The following PIK3C3 variants were observed in gnomAD, a reference collection of about 807,000 sequenced individuals.
PIK3C3 encodes PI3-kinase type 3.
In PIK3C3, 95 loss-of-function variants were observed where a neutral mutation model predicts 126.1. That is an observed-to-expected ratio of 0.75 (90% CI 0.64 to 0.89). The LOEUF (loss-of-function observed/expected upper bound fraction) is 0.89. Among genes scored for constraint, PIK3C3 ranks in the 40% least tolerant of loss-of-function variants. The pLI is 0.00. For synonymous variants in PIK3C3, 374 were observed against 360.0 expected, an observed-to-expected ratio of 1.04 and a Z score of -0.44; for missense variants, 829 against 1,063.2, an observed-to-expected ratio of 0.78 and a Z score of 3.06.
At chr18:41,960,638 G>A (rs1053226735) in intron 2 of PIK3C3, among the ~76,000 whole-genome samples, 2 of 152,152 alleles carry the variant, frequency 1.3e-5, no homozygotes, top group African/African-American at 2.4e-5. Context: ...GGAGAACGAA[G>A]TGGTGTCCAA....
chr18:41,997,267 G>A (rs1473187653), intron 9 of PIK3C3, among the ~76,000 whole-genome samples: 2 of 152,118 alleles, frequency 1.3e-5, no homozygotes, highest in African/African-American at 2.4e-5. Flanking sequence ...AATTTGAGAT[G>A]TGGGAATTCA....
At position 42,013,491 on chromosome 18, in the gene PIK3C3, A is replaced by G; in HGVS notation, c.1220A>G (p.Asn407Ser). 1 of 1,590,796 alleles carries G rather than the reference A, an allele frequency of 6.3e-7. No homozygotes were observed. The highest frequency in any genetic ancestry group is 8.6e-7 in the Non-Finnish European group (1 of 1,167,100). Residue 407 changes from asparagine to serine, a missense_variant, in exon 11 of 25, where the codon AAT (asparagine) becomes AGT (serine). Physicochemically the swap from Asn to Ser is conservative, Grantham distance 46 (BLOSUM62 1). Around this residue, in one of 4 missense-constraint regions of PIK3C3, gnomAD observed 256 missense variants for 291.0 expected, o/e 0.88. Transcript: ENST00000262039. ...TTGGTCCAGGCTCTCAAATATGAAA[A>G]TTTTGATGATATAAAGAATGGATTG... ...LQLVQALKYE[N>S]FDDIKNGLEP...
chr18:42,035,079 C>A (rs1023245664), intron 16 of PIK3C3, among the ~76,000 whole-genome samples: 1 of 152,120 alleles, frequency 6.6e-6, no homozygotes, highest in Non-Finnish European at 1.5e-5. Flanking sequence ...TTAAAACTCT[C>A]TAACAGATTA....
At chr18:41,957,079 A>C (rs536624259) in intron 1 of PIK3C3, among the ~76,000 whole-genome samples, 4 of 152,258 alleles carry the variant, frequency 2.6e-5, no homozygotes, top group African/African-American at 9.6e-5. Context: ...GTTAAAAGTA[A>C]ATTTTTTTCC....
chr18:42,044,249 C>T (rs1984457543), intron 20 of PIK3C3, among the ~76,000 whole-genome samples: 1 of 152,024 alleles, frequency 6.6e-6, no homozygotes, highest in Admixed American at 6.6e-5. Flanking sequence ...TCCTTATGGT[C>T]CATTCCTAGA....
At chr18:41,974,727 C>T (rs758661849) in intron 4 of PIK3C3, among the ~76,000 whole-genome samples, 2 of 152,132 alleles carry the variant, frequency 1.3e-5, no homozygotes, top group African/African-American at 2.4e-5. Flanking sequence ...GTGGGCCTTA[C>T]TTGAGCAAAT....
In PIK3C3 at chr18:42,064,785, A is replaced by C. The variant is rs1985466526; in HGVS notation, c.2478A>C (p.Ala826=). 6.2e-7 allele frequency: 1 copy of C among 1,607,492 alleles called. No homozygotes were observed. Among genetic ancestry groups the C allele is most frequent in the Non-Finnish European group, 8.5e-7 (1 of 1,174,170 alleles). Residue 826 remains alanine, a synonymous_variant, in exon 23 of 25, where the codon GCA becomes GCC. Coordinates refer to ENST00000262039, the MANE Select transcript of PIK3C3 (RefSeq NM_002647.4). ...ACTTGTTTTCCTTGATGGTTGATGC[A>C]AACATTCCAGATATTGCACTTGAAC... ...ILNLFSLMVD[A]NIPDIALEPD...
intron 4 of PIK3C3, among the ~76,000 whole-genome samples, chr18:41,987,000 T>C (rs747872523): frequency 2.0e-5 from 3 of 152,022 alleles, no homozygotes; most frequent in South Asian, 2.1e-4. Context: ...GCTGTTCTTA[T>C]AGGAAAGCTG....
At chr18:42,050,017 A>T (rs1984732594) in intron 21 of PIK3C3, 1 of 152,722 alleles carries the variant, frequency 6.5e-6, no homozygotes, top group South Asian at 2.1e-4. Flanking sequence ...TTGAAGATAA[A>T]TCAGAGAGTC....
At chr18:41,972,972 C>T (rs1015613353) in intron 4 of PIK3C3, among the ~76,000 whole-genome samples, 11 of 151,932 alleles carry the variant, frequency 7.2e-5, no homozygotes, top group African/African-American at 1.7e-4. Context: ...CACTGTACTG[C>T]GAGTCAGAGT....
chr18:41,959,308 C>T (rs1261689424), intron 2 of PIK3C3, among the ~76,000 whole-genome samples: 1 of 152,164 alleles, frequency 6.6e-6, no homozygotes, highest in Non-Finnish European at 1.5e-5. Context: ...TTCTCCTCCT[C>T]CTCCCATTTG....
chr18:42,018,449 C>T (rs1160835361), intron 12 of PIK3C3, among the ~76,000 whole-genome samples: 3 of 152,014 alleles, frequency 2.0e-5, no homozygotes, highest in Non-Finnish European at 4.4e-5. Flanking sequence ...AAACTTTAGG[C>T]CTATATTCTG....
intron 4 of PIK3C3, among the ~76,000 whole-genome samples, chr18:41,985,816 G>A (rs1457818945): frequency 6.6e-6 from 1 of 152,034 alleles, no homozygotes; most frequent in African/African-American, 2.4e-5. Flanking sequence ...TATGCTATAT[G>A]GGAGATAATA....
At position 42,081,445 on chromosome 18, in the gene PIK3C3, A is replaced by T. The variant is rs909927244; in HGVS notation, c.*308A>T. 1 of 294,042 alleles carries T rather than the reference A, an allele frequency of 3.4e-6. No individual in the cohort carries two copies. Among genetic ancestry groups the T allele is most frequent in the African/African-American group, 2.1e-5 (1 of 46,512 alleles). The allele number at this position is 294,042 out of a possible 1,614,324, so 18.2% of individuals were successfully genotyped here. A position where few individuals can be genotyped will look rare whatever the true frequency, so the allele number is the denominator to read the frequency against. On this transcript the variant is annotated 3_prime_UTR_variant, in exon 25 of 25. Coordinates refer to ENST00000262039, the MANE Select transcript of PIK3C3 (RefSeq NM_002647.4). ...TTATGAGAGTTCTGGAGGAAGTAAT[A>T]TGTTGAAATAGTAAAACATTTTAGT...
intron 14 of PIK3C3, 25 bp downstream of exon 14, chr18:42,027,573 C>G: frequency 7.1e-7 from 1 of 1,399,436 alleles, no homozygotes; most frequent in African/African-American, 1.4e-5. Flanking sequence ...TGAGGGTTGG[C>G]AAACTGCAGC....
chr18:42,048,155 A>G (rs1984638135), intron 20 of PIK3C3, among the ~76,000 whole-genome samples: 1 of 152,198 alleles, frequency 6.6e-6, no homozygotes, highest in Non-Finnish European at 1.5e-5. Flanking sequence ...CAGTTAACAT[A>G]ATGTACCTAT....
At chr18:41,965,884 G>C (rs1353041102) in intron 3 of PIK3C3, among the ~76,000 whole-genome samples, 1 of 152,102 alleles carries the variant, frequency 6.6e-6, no homozygotes, top group East Asian at 1.9e-4. Context: ...TTTCTATAAA[G>C]GGAGCAGTAG....
intron 5 of PIK3C3, among the ~76,000 whole-genome samples, chr18:41,989,958 C>T (rs576734801): frequency 3.9e-5 from 6 of 152,078 alleles, no homozygotes; most frequent in African/African-American, 1.2e-4. Context: ...TTATAAATTG[C>T]GAAAAACTTG....
At chr18:42,076,133 T>TATATGTATGCAC (rs1555643383) in intron 24 of PIK3C3, among the ~76,000 whole-genome samples, 3 of 91,856 alleles carry the variant, frequency 3.3e-5, no homozygotes, top group African/African-American at 1.9e-4. Flanking sequence ...CGCATATATA[T>TATATGTATGCAC]ATATATATAT....
Sources: gnomAD v4.1 joint callset for allele counts (sites outside exome capture counted in the v4.1 genomes callset) on GRCh38, gnomAD v4.1.1 for gene constraint, gnomAD v4.1.1 regional missense constraint, MANE v1.5 for transcripts, NCBI Gene and HGNC (gene_info 2026-07-23, HGNC 2026-07-21) for gene names.